The following SMYD3 variants were observed in gnomAD, a reference collection of about 807,000 sequenced individuals.
SMYD3 encodes histone-lysine N-methyltransferase SMYD3.
In SMYD3, 36 loss-of-function variants were observed where a neutral mutation model predicts 57.7. The ratio of observed to expected loss-of-function variants is 0.62; its 90% CI spans 0.48 to 0.82. The LOEUF (loss-of-function observed/expected upper bound fraction) is 0.82. Ranked by LOEUF, SMYD3 falls within the 40% of genes least tolerant of loss-of-function variation. The pLI, the probability that SMYD3 is intolerant of heterozygous loss-of-function variation, is 0.00. For synonymous variants in SMYD3, 211 were observed against 195.0 expected, an observed-to-expected ratio of 1.08 and a Z score of -0.68; for missense variants, 515 against 538.8, an observed-to-expected ratio of 0.96 and a Z score of 0.44.
intron 5 of SMYD3, among the ~76,000 whole-genome samples, chr1:246,314,138 A>G (rs2065121464): frequency 6.6e-6 from 1 of 152,228 alleles, no homozygotes; most frequent in African/African-American, 2.4e-5. Context: ...GGACAGAGGT[A>G]TGTAAGGCAT....
intron 5 of SMYD3, among the ~76,000 whole-genome samples, chr1:246,252,221 G>GGACACTGCGCCCGGCTTTAGTAGGTGCCT (rs1558350887): frequency 3.9e-5 from 2 of 50,782 alleles, no homozygotes; most frequent in East Asian, 1.8e-3. Flanking sequence ...AGTAGGTGCC[G>GGACACTGCGCCCGGCTTTAGTAGGTGCCT]CGGACACTGC....
At chr1:246,252,762 T>C (rs928322393) in intron 5 of SMYD3, among the ~76,000 whole-genome samples, 6 of 152,212 alleles carry the variant, frequency 3.9e-5, no homozygotes, top group African/African-American at 1.2e-4. Context: ...ATAGCAGTTA[T>C]AGACTATGTC....
At chr1:246,056,271 T>C (rs760702111) in intron 5 of SMYD3, among the ~76,000 whole-genome samples, 50 of 152,146 alleles carry the variant, frequency 3.3e-4, no homozygotes, top group Non-Finnish European at 6.3e-4. Flanking sequence ...CCTTTCCTCA[T>C]TTCATCCTGC....
chr1:246,291,388 T>A (rs571451432), intron 5 of SMYD3, among the ~76,000 whole-genome samples: 37 of 152,360 alleles, frequency 2.4e-4, no homozygotes, highest in African/African-American at 8.7e-4. Context: ...CAAATGTTTA[T>A]GGAGACCACG....
chr1:246,491,266 G>A (rs1019455808), intron 1 of SMYD3, among the ~76,000 whole-genome samples: 3 of 152,130 alleles, frequency 2.0e-5, no homozygotes, highest in Non-Finnish European at 4.4e-5. Flanking sequence ...AGCCGGGCGC[G>A]GTGGATCACG....
chr1:246,049,923 T>C (rs2060038489), intron 5 of SMYD3, among the ~76,000 whole-genome samples: 1 of 152,136 alleles, frequency 6.6e-6, no homozygotes, highest in Non-Finnish European at 1.5e-5. Flanking sequence ...TCCACCAAGA[T>C]AAAATATACA....
intron 7 of SMYD3, among the ~76,000 whole-genome samples, chr1:245,918,634 C>T (rs2055627799): frequency 1.3e-5 from 2 of 152,300 alleles, no homozygotes; most frequent in South Asian, 4.1e-4. Flanking sequence ...TTCCAAATAA[C>T]CTATTTCCAA....
chr1:245,840,963 C>T (rs1267252187), intron 10 of SMYD3, among the ~76,000 whole-genome samples: 1 of 152,180 alleles, frequency 6.6e-6, no homozygotes, highest in Non-Finnish European at 1.5e-5. Context: ...CACTTCCAAA[C>T]TATACTGCAT....
At chr1:246,038,954 A>C (rs534254853) in intron 5 of SMYD3, among the ~76,000 whole-genome samples, 6 of 152,366 alleles carry the variant, frequency 3.9e-5, no homozygotes, top group East Asian at 3.9e-4. Context: ...TTTCAGGAAA[A>C]AAACACTGGG....
At position 246,047,844 on chromosome 1, in the gene SMYD3, GAAA is replaced by G. The variant is rs33946218; in HGVS notation, c.532-117910_532-117908del. 3.4e-3 allele frequency among the ~76,000 whole-genome samples: 500 copies of G among 146,400 alleles called. 4 individuals are homozygous for G. Among genetic ancestry groups the G allele is most frequent in the African/African-American group, 0.012 (470 of 40,626 alleles). ...ACAGAGTGAGACCCTGTAGCAGAAGGAAAAAAAAAAAAATGTGAAAATAATTAT... is the reference window on the plus strand; with the variant it reads ...ACAGAGTGAGACCCTGTAGCAGAAGGAAAAAAAAAATGTGAAAATAATTAT... On this transcript the variant is annotated intron_variant, in intron 5 of 11. Coordinates refer to ENST00000490107, the MANE Select transcript of SMYD3 (RefSeq NM_001167740.2).
chr1:245,858,979 T>C (rs1480875246), intron 9 of SMYD3, among the ~76,000 whole-genome samples: 2 of 152,240 alleles, frequency 1.3e-5, no homozygotes, highest in African/African-American at 2.4e-5. Context: ...TAGTCATAAA[T>C]AAATGCAGTC....
intron 8 of SMYD3, among the ~76,000 whole-genome samples, chr1:245,866,311 G>A (rs748963091): frequency 1.3e-5 from 2 of 149,738 alleles, no homozygotes; most frequent in African/African-American, 5.1e-5. Context: ...TGTATGTGCT[G>A]TGTGTCTGTG....
At position 245,966,675 on chromosome 1, in the gene SMYD3, C is replaced by T. The variant is rs915707458; in HGVS notation, c.532-36738G>A. Among the ~76,000 whole-genome samples, 15 of 152,174 alleles carry T rather than the reference C, an allele frequency of 9.9e-5. No individual in the cohort carries two copies. In the South Asian group the frequency reaches 1.0e-3, roughly 11 times the overall value. On this transcript the variant is annotated intron_variant, in intron 5 of 11. Coordinates refer to ENST00000490107, the MANE Select transcript of SMYD3 (RefSeq NM_001167740.2). ...TCAACCAGAGTGCTCAAGATCTGGC[C>T]CTTGGGAAGACAGGCTTTCAGATCA...
At chr1:246,391,344 C>T (rs2066562370) in intron 1 of SMYD3, among the ~76,000 whole-genome samples, 1 of 150,204 alleles carries the variant, frequency 6.7e-6, no homozygotes, top group Non-Finnish European at 1.5e-5. Flanking sequence ...TCCACCACTG[C>T]ACTCCAGCCT....
chr1:246,481,408 A>G (rs2068097713), intron 1 of SMYD3, among the ~76,000 whole-genome samples: 1 of 151,020 alleles, frequency 6.6e-6, no homozygotes, highest in South Asian at 2.1e-4. Flanking sequence ...GCCCAATTAG[A>G]ACAAAAGAAT....
chr1:245,911,697 A>G (rs2055002078), intron 8 of SMYD3, among the ~76,000 whole-genome samples: 1 of 152,080 alleles, frequency 6.6e-6, no homozygotes, highest in Non-Finnish European at 1.5e-5. Flanking sequence ...GATTTTATAG[A>G]GATAGTGAAT....
chr1:245,836,434 T>C (rs2050110990), intron 10 of SMYD3, among the ~76,000 whole-genome samples: 2 of 152,246 alleles, frequency 1.3e-5, no homozygotes, highest in Non-Finnish European at 1.5e-5. Flanking sequence ...GCCGTCTTCG[T>C]GCAAGGCAAG....
intron 1 of SMYD3, among the ~76,000 whole-genome samples, chr1:246,448,626 T>C (rs2067582353): frequency 7.2e-6 from 1 of 139,056 alleles, no homozygotes; most frequent in South Asian, 2.3e-4. Flanking sequence ...AGCCCAACAA[T>C]GCCCTTAAGA....
chr1:246,404,535 A>G (rs2066827464), intron 1 of SMYD3, among the ~76,000 whole-genome samples: 1 of 152,252 alleles, frequency 6.6e-6, no homozygotes, highest in Non-Finnish European at 1.5e-5. Context: ...ATCTGCTTGC[A>G]GACTCCTGCT....
Sources: gnomAD v4.1 joint callset for allele counts (sites outside exome capture counted in the v4.1 genomes callset) on GRCh38, gnomAD v4.1.1 for gene constraint, MANE v1.5 for transcripts, NCBI Gene and HGNC (gene_info 2026-07-23, HGNC 2026-07-21) for gene names.